BOLL: variants seen among roughly 807,000 people sequenced by gnomAD.
The protein encoded by BOLL is boule RNA binding protein, also known as protein boule-like.
Under a neutral mutation model 44.4 loss-of-function variants are expected in BOLL, and 23 were observed. That is an observed-to-expected ratio of 0.52 (90% CI 0.37 to 0.73). The LOEUF (loss-of-function observed/expected upper bound fraction) is 0.73. Ranked by LOEUF, BOLL falls within the 30% of genes least tolerant of loss-of-function variation. The probability of loss-of-function intolerance (pLI) is 0.00; values close to 1 mark genes in which losing one functional copy is unlikely to be tolerated. For missense variants in BOLL, 287 were observed against 338.3 expected (o/e 0.85, Z 1.19); for synonymous variants, 97 against 110.8 (o/e 0.88, Z 0.78).
chr2:197,740,092 G>A (rs1208652514), intron 10 of BOLL, among the ~76,000 whole-genome samples: 1 of 152,082 alleles, frequency 6.6e-6, no homozygotes, highest in Non-Finnish European at 1.5e-5. Flanking sequence ...TCAAAATTAT[G>A]GTTTTATTTC....
intron 6 of BOLL, among the ~76,000 whole-genome samples, chr2:197,769,403 T>C (rs911362652): frequency 3.3e-5 from 5 of 152,118 alleles, no homozygotes; most frequent in Non-Finnish European, 7.4e-5. Flanking sequence ...GGTGTATGTG[T>C]CCAGGAATTT....
intron 4 of BOLL, among the ~76,000 whole-genome samples, chr2:197,776,013 C>G (rs1166406130): frequency 2.0e-5 from 3 of 151,842 alleles, no homozygotes; most frequent in Non-Finnish European, 4.4e-5. Context: ...TACTTGTAAT[C>G]CTAAAATTAA....
chr2:197,738,723 C>T (rs967427460), intron 10 of BOLL, among the ~76,000 whole-genome samples: 3 of 151,982 alleles, frequency 2.0e-5, no homozygotes, highest in East Asian at 1.9e-4. Flanking sequence ...ATGAGTTTTA[C>T]GCTTATAAAA....
At chr2:197,729,832 C>A (rs1458943796) in intron 10 of BOLL, among the ~76,000 whole-genome samples, 1 of 151,490 alleles carries the variant, frequency 6.6e-6, no homozygotes, top group Non-Finnish European at 1.5e-5. Flanking sequence ...TCATCAAAGA[C>A]CAAAAGTAGA....
intron 7 of BOLL, among the ~76,000 whole-genome samples, chr2:197,763,188 C>A (rs1688836141): frequency 1.3e-5 from 2 of 152,098 alleles, no homozygotes; most frequent in South Asian, 4.1e-4. Flanking sequence ...AAATTGAAAA[C>A]CTTAAGAAAC....
intron 7 of BOLL, among the ~76,000 whole-genome samples, chr2:197,761,815 A>T (rs1024255411): frequency 6.6e-6 from 1 of 152,206 alleles, no homozygotes; most frequent in African/African-American, 2.4e-5. Context: ...CTTATATCAG[A>T]CAAAACCAAC....
At chr2:197,751,971 C>A (rs1333216504) in intron 9 of BOLL, among the ~76,000 whole-genome samples, 1 of 152,162 alleles carries the variant, frequency 6.6e-6, no homozygotes, top group Admixed American at 6.5e-5. Context: ...TTGGCTTCAT[C>A]CCTGGGATGC....
Position 197,785,140 on chromosome 2 carries a change from C to T in BOLL, c.-100G>A. 2.0e-6 allele frequency: 2 copies of T among 986,010 alleles called. No homozygotes were observed. The highest frequency in any genetic ancestry group is 2.4e-6 in the Non-Finnish European group (2 of 829,934). The allele number at this position is 986,010 out of a possible 1,614,324, so 61.1% of individuals were successfully genotyped here. A position where few individuals can be genotyped will look rare whatever the true frequency, so the allele number is the denominator to read the frequency against. ...GGGAAATGGCCGCGGCGACAACTTCCTCGAGTTCTCTCGGGTCATCGTGAA... is the reference window on the plus strand; with the variant it reads ...GGGAAATGGCCGCGGCGACAACTTCTTCGAGTTCTCTCGGGTCATCGTGAA... On this transcript the variant is annotated 5_prime_UTR_variant, in exon 1 of 11. Transcript: ENST00000392296. The surrounding 1 kb of genome is among the most constrained non-coding windows in gnomAD (Gnocchi z 6.7).
At chr2:197,736,538 G>C (rs1479554604) in intron 10 of BOLL, among the ~76,000 whole-genome samples, 1 of 151,774 alleles carries the variant, frequency 6.6e-6, no homozygotes, top group Non-Finnish European at 1.5e-5. Context: ...GCTGTTAGAA[G>C]TTGAGTGAAG....
intron 7 of BOLL, among the ~76,000 whole-genome samples, 171 bp downstream of exon 7, chr2:197,766,361 G>A (rs1341500876): frequency 6.6e-6 from 1 of 152,098 alleles, no homozygotes; most frequent in Non-Finnish European, 1.5e-5. Context: ...TTTAATAATA[G>A]CCATTCTGAC....
chr2:197,766,640 C>G (rs771299549), intron 6 of BOLL, 37 bp from the exon 7 acceptor site: 17 of 1,457,724 alleles, frequency 1.2e-5, no homozygotes, highest in South Asian at 3.6e-5. Context: ...TAGGCAGAAG[C>G]CTTTAAAATA....
At chr2:197,780,021 T>C (rs967604131) in intron 2 of BOLL, among the ~76,000 whole-genome samples, 1 of 152,010 alleles carries the variant, frequency 6.6e-6, no homozygotes, top group Non-Finnish European at 1.5e-5. Context: ...TAATGACAAA[T>C]ACTGATTCAA....
At chr2:197,777,166 T>C (rs1253111308) in intron 3 of BOLL, 53 bp from the exon 4 acceptor site, 2 of 1,207,394 alleles carry the variant, frequency 1.7e-6, no homozygotes, top group East Asian at 2.7e-5. Context: ...GAATGTTATA[T>C]TAATTATATT....
intron 1 of BOLL, among the ~76,000 whole-genome samples, chr2:197,783,762 T>C (rs1049162596): frequency 1.3e-5 from 2 of 152,234 alleles, no homozygotes; most frequent in Admixed American, 6.5e-5. Flanking sequence ...TCTGGAATGC[T>C]TAGTATTTTT....
intron 9 of BOLL, among the ~76,000 whole-genome samples, chr2:197,748,679 T>G (rs957122308): frequency 1.3e-5 from 2 of 152,234 alleles, no homozygotes; most frequent in Admixed American, 1.3e-4. Flanking sequence ...CAGACTGCCT[T>G]TCTAGATTCC....
intron 9 of BOLL, among the ~76,000 whole-genome samples, chr2:197,751,455 A>T (rs1008857526): frequency 6.6e-6 from 1 of 152,210 alleles, no homozygotes; most frequent in African/African-American, 2.4e-5. Flanking sequence ...AAAAATGATA[A>T]AAGGGATATC....
rs1401062501 is a variant in BOLL, at chr2:197,728,107, T to C, written c.*448A>G. On this transcript the variant is annotated 3_prime_UTR_variant, in exon 11 of 11. Transcript: ENST00000392296. ...TTAAATAGTATACTGTTGTAAAATA[T>C]ATGAAAGTATTAAAAGTATTATAAT... 1 of 179,316 alleles carries C rather than the reference T, an allele frequency of 5.6e-6. No individual in the cohort carries two copies. The highest frequency in any genetic ancestry group is 1.2e-5 in the Non-Finnish European group (1 of 86,264). 11.1% of individuals were successfully genotyped at this position (179,316 alleles called of 1,614,324 possible). A position where few individuals can be genotyped will look rare whatever the true frequency, so the allele number is the denominator to read the frequency against.
chr2:197,754,151 G>A (rs976902224), intron 9 of BOLL, among the ~76,000 whole-genome samples: 3 of 152,270 alleles, frequency 2.0e-5, no homozygotes, highest in South Asian at 2.1e-4. Flanking sequence ...TCGGGGGCAC[G>A]GGGAGGGATA....
At chr2:197,732,854 A>C (rs1447852411) in intron 10 of BOLL, among the ~76,000 whole-genome samples, 1 of 143,368 alleles carries the variant, frequency 7.0e-6, no homozygotes, top group African/African-American at 2.6e-5. Flanking sequence ...AGCCAATATC[A>C]TACTGAATGG....
Sources: gnomAD v4.1 joint callset for allele counts (sites outside exome capture counted in the v4.1 genomes callset) on GRCh38, gnomAD v4.1.1 for gene constraint, Gnocchi (gnomAD v3.1) non-coding constraint, MANE v1.5 for transcripts, NCBI Gene and HGNC (gene_info 2026-07-23, HGNC 2026-07-21) for gene names.